The following CSMD1 variants were observed in gnomAD, a reference collection of about 807,000 sequenced individuals.
CSMD1 encodes CUB and Sushi multiple domains 1.
CSMD1 carries 213 observed loss-of-function variants against 417.5 expected under a neutral mutation model. The ratio of observed to expected loss-of-function variants is 0.51; its 90% CI spans 0.46 to 0.57. CSMD1 has a LOEUF of 0.57. Ranked by LOEUF, CSMD1 falls within the 20% of genes least tolerant of loss-of-function variation. CSMD1 has a pLI of 0.00. For synonymous variants in CSMD1, 2,862 were observed against 1,736.8 expected, an observed-to-expected ratio of 1.65 and a Z score of -16.11; for missense variants, 6,923 against 4,529.7, an observed-to-expected ratio of 1.53 and a Z score of -15.17.
chr8:4,530,676 C>G (rs1449747600), intron 2 of CSMD1, among the ~76,000 whole-genome samples: 2 of 151,280 alleles, frequency 1.3e-5, no homozygotes, highest in African/African-American at 2.4e-5. Flanking sequence ...GGCATGAACT[C>G]ATTCTTTTTT....
chr8:4,510,059 T>G (rs889403557), intron 2 of CSMD1, among the ~76,000 whole-genome samples: 1 of 152,038 alleles, frequency 6.6e-6, no homozygotes, highest in Non-Finnish European at 1.5e-5. Flanking sequence ...TGGGGGTAGG[T>G]CTTTCTCATC....
chr8:3,043,713 C>A (rs1368097433), intron 50 of CSMD1: 1 of 151,970 alleles, frequency 6.6e-6, no homozygotes, highest in Non-Finnish European at 1.5e-5. Flanking sequence ...AACTGAAAAA[C>A]AACATACCAG....
intron 7 of CSMD1, among the ~76,000 whole-genome samples, chr8:3,646,230 T>C (rs1272625580): frequency 6.6e-6 from 1 of 152,126 alleles, no homozygotes; most frequent in Non-Finnish European, 1.5e-5. Flanking sequence ...ACAGCACATG[T>C]ACATAGAAAA....
chr8:4,604,904 T>C (rs1800787280), intron 2 of CSMD1, among the ~76,000 whole-genome samples: 2 of 152,236 alleles, frequency 1.3e-5, no homozygotes, highest in South Asian at 4.1e-4. Context: ...TGTTCGGGGT[T>C]CAGAATCATG....
chr8:3,799,411 G>A (rs1345137495), intron 5 of CSMD1, among the ~76,000 whole-genome samples: 1 of 101,802 alleles, frequency 9.8e-6, no homozygotes, highest in African/African-American at 4.1e-5. Flanking sequence ...CCCACCCCAC[G>A]ACAGGCCTTA....
chr8:4,181,664 G>A (rs1050458637), intron 3 of CSMD1, among the ~76,000 whole-genome samples: 1 of 152,058 alleles, frequency 6.6e-6, no homozygotes, highest in Non-Finnish European at 1.5e-5. Context: ...TAGATGATCA[G>A]AATAATATTG....
At chr8:3,337,179 C>T (rs1027041882) in intron 23 of CSMD1, among the ~76,000 whole-genome samples, 4 of 152,116 alleles carry the variant, frequency 2.6e-5, no homozygotes, top group African/African-American at 7.2e-5. Flanking sequence ...ACCAACGCAA[C>T]GACTCGCCCT....
chr8:4,273,472 A>C (rs944694501), intron 3 of CSMD1, among the ~76,000 whole-genome samples: 10 of 152,174 alleles, frequency 6.6e-5, no homozygotes, highest in African/African-American at 2.2e-4. Flanking sequence ...AATTATAATA[A>C]ATGCCTAATA....
intron 2 of CSMD1, among the ~76,000 whole-genome samples, chr8:4,587,272 C>A (rs897793217): frequency 2.0e-5 from 3 of 152,104 alleles, no homozygotes; most frequent in Non-Finnish European, 2.9e-5. Flanking sequence ...GGAACTGATG[C>A]ATAGTTTGAA....
chr8:3,071,148 G>A (rs1333537035), intron 49 of CSMD1, among the ~76,000 whole-genome samples: 10 of 152,168 alleles, frequency 6.6e-5, no homozygotes, highest in East Asian at 1.9e-4. Flanking sequence ...GGATCCACCC[G>A]CTTGATCCAA....
rs1321990493 is a variant in CSMD1 at position 3,716,347 on chromosome 8, G to C, written c.932-7856C>G. Among the ~76,000 whole-genome samples, 3 of 152,172 alleles carry C rather than the reference G, an allele frequency of 2.0e-5. No individual in the cohort carries two copies. In the East Asian group the frequency reaches 5.8e-4, roughly 29 times the overall value. ...GAGAAAATAGAGGAATAAAAGAAGG[G>C]CTACTCCATAGACAGAACAGTCTTG... is the stretch of plus-strand genomic sequence containing the variant. On this transcript the variant is annotated intron_variant, in intron 6 of 69. Coordinates refer to ENST00000635120, the MANE Select transcript of CSMD1 (RefSeq NM_033225.6).
intron 5 of CSMD1, among the ~76,000 whole-genome samples, chr8:3,934,916 A>G (rs909226091): frequency 6.6e-6 from 1 of 152,188 alleles, no homozygotes; most frequent in Non-Finnish European, 1.5e-5. Context: ...GAAGAACATT[A>G]TAAGTACGGG....
At chr8:3,496,522 C>G (rs1005408999) in intron 10 of CSMD1, among the ~76,000 whole-genome samples, 1 of 152,174 alleles carries the variant, frequency 6.6e-6, no homozygotes, top group Admixed American at 6.5e-5. Context: ...CCTCTTAGCA[C>G]TGCTTTTACT....
chr8:3,787,215 G>A (rs562961427), intron 5 of CSMD1, among the ~76,000 whole-genome samples: 94 of 152,174 alleles, frequency 6.2e-4, no homozygotes, highest in African/African-American at 2.1e-3. Flanking sequence ...TTCCTATGCT[G>A]AGGAAAATGA....
intron 3 of CSMD1, among the ~76,000 whole-genome samples, chr8:4,317,869 G>A (rs371382785): frequency 2.4e-3 from 358 of 152,266 alleles, no homozygotes; most frequent in Non-Finnish European, 4.0e-3. Flanking sequence ...AATTTTGGCA[G>A]GATGAAAATA....
chr8:4,930,484 G>A (rs1269373279), intron 1 of CSMD1, among the ~76,000 whole-genome samples: 1 of 152,124 alleles, frequency 6.6e-6, no homozygotes, highest in Non-Finnish European at 1.5e-5. Flanking sequence ...CAGCACAGCT[G>A]TGCTGAAAAT....
intron 3 of CSMD1, among the ~76,000 whole-genome samples, chr8:4,199,088 C>G (rs1377538370): frequency 1.3e-5 from 2 of 152,136 alleles, no homozygotes; most frequent in Non-Finnish European, 2.9e-5. Context: ...AGAGCCAGCG[C>G]CCAGCTCACC....
rs150415808 is a variant in CSMD1 at position 4,510,342 on chromosome 8, A to T, written c.303-90277T>A. Among the ~76,000 whole-genome samples the T allele has an allele frequency of 3.4e-3, 472 of 138,468 alleles. 4 individuals are homozygous for T. The highest frequency in any genetic ancestry group is 0.012 in the African/African-American group (454 of 37,412). 90.8% of individuals were successfully genotyped at this position (138,468 alleles called of 152,430 possible). On this transcript the variant is annotated intron_variant, in intron 2 of 69. Transcript: ENST00000635120. ...CAACTAAATATTTCCCAGGTTAGCC[A>T]TACAGGTATTCTTATATTTTTTGTA...
At chr8:3,119,195 G>T (rs1563062301) in intron 41 of CSMD1, among the ~76,000 whole-genome samples, 1 of 151,666 alleles carries the variant, frequency 6.6e-6, no homozygotes, top group Non-Finnish European at 1.5e-5. Context: ...CCAAAAAAAA[G>T]GAAATGCAAG....
Sources: gnomAD v4.1 joint callset for allele counts (sites outside exome capture counted in the v4.1 genomes callset) on GRCh38, gnomAD v4.1.1 for gene constraint, MANE v1.5 for transcripts, NCBI Gene and HGNC (gene_info 2026-07-23, HGNC 2026-07-21) for gene names.